Variants in KCNMA1 observed in about 807,000 individuals in gnomAD.
KCNMA1 encodes the protein Calcium-activated potassium channel subunit alpha-1.
In KCNMA1, 29 loss-of-function variants were observed where a neutral mutation model predicts 140.0. The ratio of observed to expected loss-of-function variants is 0.21; its 90% CI spans 0.15 to 0.28. The LOEUF is 0.28. Among genes scored for constraint, KCNMA1 ranks in the 10% least tolerant of loss-of-function variants. The probability of loss-of-function intolerance (pLI) is 1.00; values close to 1 mark genes in which losing one functional copy is unlikely to be tolerated. For synonymous variants in KCNMA1, 612 were observed against 611.9 expected (o/e 1.00, Z 0.00); for missense variants, 880 against 1,602.2 (o/e 0.55, Z 7.70).
chr10:76,945,377 G>A (rs1368735640), intron 22 of KCNMA1, among the ~76,000 whole-genome samples: 12 of 152,140 alleles, frequency 7.9e-5, no homozygotes, highest in African/African-American at 2.9e-4. Flanking sequence ...TCAAATGCCT[G>A]TTTATTTAAT....
rs567704783 is a variant in KCNMA1, at chr10:77,309,136, C to A, written c.541-57880G>T. The stretch of plus-strand genomic sequence containing the variant: ...TTTTGTGACCAAAACTGTATTTCCT[C>A]GGTTGATCCAACATCAGCATCTTTG... On this transcript the variant is annotated intron_variant, in intron 2 of 27. Transcript: ENST00000286628. Among the ~76,000 whole-genome samples, 4 of 152,310 alleles carry A rather than the reference C, an allele frequency of 2.6e-5. No individual in the cohort carries two copies. In the East Asian group the frequency reaches 7.7e-4, roughly 29 times the overall value.
rs17415098 is a variant in KCNMA1, at chr10:77,595,629, G to A, written c.378+41636C>T. On this transcript the variant is annotated intron_variant, in intron 1 of 27. Coordinates refer to ENST00000286628, the MANE Select transcript of KCNMA1 (RefSeq NM_001161352.2). ...TTTACACTCCTGACAATAAAGAAGC[G>A]CGGATCAACCTCTAACTAGCCAGAC... Among the ~76,000 whole-genome samples the A allele has an allele frequency of 9.8e-3, 1,485 of 152,082 alleles. 17 individuals are homozygous for A. The highest frequency in any genetic ancestry group is 0.06 in the East Asian group (308 of 5,152).
intron 3 of KCNMA1, among the ~76,000 whole-genome samples, chr10:77,224,457 C>A (rs1285510169): frequency 6.6e-6 from 1 of 152,212 alleles, no homozygotes; most frequent in Non-Finnish European, 1.5e-5. Context: ...CTATGACAGT[C>A]TTTACACTAC....
At chr10:77,390,189 C>G (rs151140745) in intron 2 of KCNMA1, among the ~76,000 whole-genome samples, 1 of 152,176 alleles carries the variant, frequency 6.6e-6, no homozygotes, top group Non-Finnish European at 1.5e-5. Flanking sequence ...GATGCTGAGG[C>G]CTTGGAGAGG....
At chr10:77,065,872 A>T (rs759489001) in intron 14 of KCNMA1, among the ~76,000 whole-genome samples, 1 of 152,218 alleles carries the variant, frequency 6.6e-6, no homozygotes, top group Non-Finnish European at 1.5e-5. Context: ...TTAAGCAAAG[A>T]CAACAAGAGT....
intron 2 of KCNMA1, among the ~76,000 whole-genome samples, chr10:77,385,567 C>T (rs2095571775): frequency 6.6e-6 from 1 of 152,352 alleles, no homozygotes; most frequent in Non-Finnish European, 1.5e-5. Flanking sequence ...CTCTTAACCA[C>T]TCAGCCTCAT....
chr10:77,151,161 TTTTC>T (rs1203950736), intron 5 of KCNMA1, among the ~76,000 whole-genome samples: 17 of 144,708 alleles, frequency 1.2e-4, no homozygotes, highest in South Asian at 1.1e-3. Flanking sequence ...CTTTCTTTTC[TTTTC>T]TTTCTTTCTT....
At chr10:77,289,448 G>A (rs78356152) in intron 2 of KCNMA1, among the ~76,000 whole-genome samples, 6,654 of 152,224 alleles carry the variant, frequency 0.044, 514 homozygotes, top group African/African-American at 0.15. Flanking sequence ...GGACAGCAGC[G>A]GAAGTTACCA....
intron 3 of KCNMA1, among the ~76,000 whole-genome samples, chr10:77,191,366 A>G (rs1055190080): frequency 5.3e-5 from 8 of 152,230 alleles, no homozygotes; most frequent in African/African-American, 1.9e-4. Flanking sequence ...TATATAGAAC[A>G]TTTTCTCCTG....
chr10:76,994,779 T>A (rs910561848), intron 19 of KCNMA1, among the ~76,000 whole-genome samples: 18 of 152,276 alleles, frequency 1.2e-4, no homozygotes, highest in African/African-American at 4.3e-4. Flanking sequence ...GTTAAGATCG[T>A]TTTGAAGAGC....
At chr10:77,158,585 C>G (rs1408818787) in intron 5 of KCNMA1, among the ~76,000 whole-genome samples, 1 of 152,168 alleles carries the variant, frequency 6.6e-6, no homozygotes, top group African/African-American at 2.4e-5. Context: ...TCTCCCCTCT[C>G]TAGCTCCATA....
In KCNMA1 at chr10:77,486,467, T is replaced by C. The variant is rs377002741; in HGVS notation, c.379-82444A>G. Reference sequence around the variant, plus strand: ...TTCCAGGGTTGTTCTAAAGATTCAATGAAGTAATGCACACAGAACACTTTG... The same window carrying C: ...TTCCAGGGTTGTTCTAAAGATTCAACGAAGTAATGCACACAGAACACTTTG... On this transcript the variant is annotated intron_variant, in intron 1 of 27. Transcript: ENST00000286628. Among the ~76,000 whole-genome samples the C allele has an allele frequency of 4.2e-4, 64 of 152,334 alleles. No homozygotes were observed. In the South Asian group the frequency reaches 0.011, roughly 25 times the overall value.
Position 76,885,367 on chromosome 10 carries a change from A to G in KCNMA1, c.*1899T>C, listed in dbSNP as rs2036423983. 1.0e-6 allele frequency: 1 copy of G among 983,692 alleles called. No homozygotes were observed. Among genetic ancestry groups the G allele is most frequent in the Admixed American group, 6.2e-5 (1 of 16,240 alleles). 60.9% of individuals were successfully genotyped at this position (983,692 alleles called of 1,614,324 possible). On this transcript the variant is annotated 3_prime_UTR_variant, in exon 28 of 28. Transcript: ENST00000286628. The stretch of plus-strand genomic sequence containing the variant: ...ATAGGGCTTGATAATTTACATGTAT[A>G]CAATTATTCCCCACCACAATACTGG...
chr10:77,506,596 A>AGAGAGAGAGAGTGTGTGT lies in KCNMA1; in HGVS notation c.379-102574_379-102573insACACACACTCTCTCTCTC. Among the ~76,000 whole-genome samples, 32 of 83,558 alleles carry AGAGAGAGAGAGTGTGTGT rather than the reference A, an allele frequency of 3.8e-4. 4 individuals carry two copies. Among genetic ancestry groups the AGAGAGAGAGAGTGTGTGT allele is most frequent in the African/African-American group, 7.5e-4 (10 of 13,408 alleles). The allele number at this position is 83,558 out of a possible 152,430, so 54.8% of individuals were successfully genotyped here. ...TAGAGAGAGAGAGAGAGAGAGAGAG[A>AGAGAGAGAGAGTGTGTGT]GTGTGTGTGTGTGTGTGTGTGTGTT... On this transcript the variant is annotated intron_variant, in intron 1 of 27. Transcript: ENST00000286628.
Position 76,995,866 on chromosome 10 carries a change from T to C in KCNMA1, c.2266+5541A>G, listed in dbSNP as rs118128750. ...TGTCCCTGGGAAGAAAGGTGTCCCATGATGGGGTATACACAAAGGACCCTG... is the reference window on the plus strand; with the variant it reads ...TGTCCCTGGGAAGAAAGGTGTCCCACGATGGGGTATACACAAAGGACCCTG... On this transcript the variant is annotated intron_variant, in intron 19 of 27. Transcript: ENST00000286628. Among the ~76,000 whole-genome samples, 158 of 152,320 alleles carry C rather than the reference T, an allele frequency of 1.0e-3. 1 individual carries two copies. The highest frequency in any genetic ancestry group is 1.9e-3 in the Non-Finnish European group (132 of 68,036).
chr10:77,604,871 C>T (rs966947866), intron 1 of KCNMA1, among the ~76,000 whole-genome samples: 14 of 152,214 alleles, frequency 9.2e-5, no homozygotes, highest in African/African-American at 3.1e-4. Context: ...GTCCTGGCCT[C>T]CCTGCCTCCA....
rs71028280 is a variant in KCNMA1 at position 77,499,403 on chromosome 10, G to GTATATATATA, written c.379-95390_379-95381dup. ...GAAAGTCAAAATGCTCAGTAGGCAT[G>GTATATATATA]TATATATATATATATATATACACAC... On this transcript the variant is annotated intron_variant, in intron 1 of 27. Coordinates refer to ENST00000286628, the MANE Select transcript of KCNMA1 (RefSeq NM_001161352.2). Among the ~76,000 whole-genome samples the GTATATATATA allele has an allele frequency of 8.1e-3, 1,149 of 142,430 alleles. 19 individuals carry two copies. The highest frequency in any genetic ancestry group is 0.028 in the African/African-American group (1,050 of 38,042). 93.4% of individuals were successfully genotyped at this position (142,430 alleles called of 152,430 possible).
At chr10:77,405,429 A>G (rs1425321139) in intron 1 of KCNMA1, among the ~76,000 whole-genome samples, 3 of 152,234 alleles carry the variant, frequency 2.0e-5, no homozygotes, top group Non-Finnish European at 2.9e-5. Flanking sequence ...ATGAATGACT[A>G]GAAAGGGCTA....
chr10:77,382,994 G>GTGTATA (rs1491457588), intron 2 of KCNMA1, among the ~76,000 whole-genome samples: 40 of 46,430 alleles, frequency 8.6e-4, no homozygotes, highest in South Asian at 2.3e-3. Flanking sequence ...GTGTGTGTGT[G>GTGTATA]TATATATATA....
Sources: gnomAD v4.1 joint callset for allele counts (sites outside exome capture counted in the v4.1 genomes callset) on GRCh38, gnomAD v4.1.1 for gene constraint, MANE v1.5 for transcripts, NCBI Gene and HGNC (gene_info 2026-07-23, HGNC 2026-07-21) for gene names.